MAGI2: variants seen among roughly 807,000 people sequenced by gnomAD.
MAGI2 encodes membrane associated guanylate kinase, WW and PDZ domain containing 2.
Under a neutral mutation model 133.3 loss-of-function variants are expected in MAGI2, and 35 were observed. That is an observed-to-expected ratio of 0.26 (90% CI 0.20 to 0.35). The LOEUF (loss-of-function observed/expected upper bound fraction) is 0.35, where lower values mean the gene tolerates loss of function less well. MAGI2 is among the 10% of genes least tolerant of loss of function. MAGI2 has a pLI of 1.00. For synonymous variants in MAGI2, 729 were observed against 710.6 expected, an observed-to-expected ratio of 1.03 and a Z score of -0.41; for missense variants, 1,636 against 1,863.4, an observed-to-expected ratio of 0.88 and a Z score of 2.25.
At chr7:78,471,638 T>C (rs1467509067) in intron 6 of MAGI2, among the ~76,000 whole-genome samples, 1 of 151,890 alleles carries the variant, frequency 6.6e-6, no homozygotes, top group East Asian at 1.9e-4. Context: ...TTAATAATAG[T>C]AGGAGGGGCT....
chr7:79,016,376 G>A (rs1241218418), intron 1 of MAGI2, among the ~76,000 whole-genome samples: 2 of 152,088 alleles, frequency 1.3e-5, no homozygotes, highest in African/African-American at 4.8e-5. Context: ...TGATTGCAGT[G>A]CAGCCTCAGA....
At position 78,160,242 on chromosome 7, in the gene MAGI2, T is replaced by A. The variant is rs762521795; in HGVS notation, c.2628A>T (p.Pro876=). 1 of 1,604,446 alleles carries A rather than the reference T, an allele frequency of 6.2e-7. No homozygotes were observed. The highest frequency in any genetic ancestry group is 1.7e-5 in the Admixed American group (1 of 59,290). The change falls in exon 16 of 22, where the codon CCA becomes CCT. Residue 876 remains proline, a synonymous_variant. Coordinates refer to ENST00000354212, the MANE Select transcript of MAGI2 (RefSeq NM_012301.4). The stretch of plus-strand genomic sequence containing the variant: ...AGCTGTGGTGGGTGGATACAGAGCC[T>A]GGACTTCTCCCGTTCTCTGGGCAGG... ...GEPCPENGRS[P]GSVSTHHSSP...
chr7:78,312,580 A>G (rs1205507246), intron 9 of MAGI2, among the ~76,000 whole-genome samples: 8 of 152,324 alleles, frequency 5.3e-5, no homozygotes, highest in Middle Eastern at 3.4e-3. Flanking sequence ...TTTCAAAATA[A>G]GACATACAAA....
intron 6 of MAGI2, among the ~76,000 whole-genome samples, chr7:78,412,878 A>T (rs545909259): frequency 6.6e-6 from 1 of 152,230 alleles, no homozygotes; most frequent in Non-Finnish European, 1.5e-5. Flanking sequence ...TGATTTATAA[A>T]TTTCCAATTT....
intron 16 of MAGI2, among the ~76,000 whole-genome samples, chr7:78,155,986 G>C (rs759307698): frequency 6.6e-6 from 1 of 152,164 alleles, no homozygotes; most frequent in African/African-American, 2.4e-5. Context: ...TCCATCCATA[G>C]GGAGGGAAAG....
At chr7:78,934,953 G>T (rs1463718508) in intron 2 of MAGI2, among the ~76,000 whole-genome samples, 4 of 152,090 alleles carry the variant, frequency 2.6e-5, no homozygotes, top group Non-Finnish European at 5.9e-5. Flanking sequence ...TCCTGCCAAA[G>T]TACATAGTTT....
At chr7:78,321,217 G>A (rs951632069) in intron 9 of MAGI2, among the ~76,000 whole-genome samples, 13 of 152,094 alleles carry the variant, frequency 8.5e-5, no homozygotes, top group African/African-American at 2.7e-4. Flanking sequence ...TAGATTCAAT[G>A]CCATCCCCAT....
intron 1 of MAGI2, among the ~76,000 whole-genome samples, chr7:79,390,873 G>A (rs1163431236): frequency 6.6e-6 from 1 of 152,158 alleles, no homozygotes; most frequent in Non-Finnish European, 1.5e-5. Flanking sequence ...AGCAGAAAGA[G>A]CCTACAGTAC....
chr7:78,914,503 C>A (rs1214796973), intron 2 of MAGI2, among the ~76,000 whole-genome samples: 1 of 152,058 alleles, frequency 6.6e-6, no homozygotes, highest in Non-Finnish European at 1.5e-5. Context: ...ATAATTTGAT[C>A]TGTCTTTTGT....
intron 2 of MAGI2, among the ~76,000 whole-genome samples, chr7:78,844,561 A>G (rs1792429955): frequency 6.6e-6 from 1 of 151,948 alleles, no homozygotes; most frequent in South Asian, 2.1e-4. Context: ...ACCATATTGC[A>G]TGATTTCATT....
chr7:78,419,164 T>C (rs2151396452), intron 6 of MAGI2, among the ~76,000 whole-genome samples: 1 of 152,304 alleles, frequency 6.6e-6, no homozygotes, highest in Admixed American at 6.5e-5. Flanking sequence ...CCTCATCTAA[T>C]TCTTAAAAGA....
intron 1 of MAGI2, among the ~76,000 whole-genome samples, chr7:79,213,995 G>A (rs1201874126): frequency 1.3e-5 from 2 of 151,900 alleles, no homozygotes; most frequent in African/African-American, 4.8e-5. Flanking sequence ...ATGATAAGAG[G>A]AAACATGGGA....
chr7:78,640,833 C>T (rs939349348), intron 2 of MAGI2, among the ~76,000 whole-genome samples: 1 of 152,196 alleles, frequency 6.6e-6, no homozygotes. Flanking sequence ...GGCTATGGGG[C>T]ATTAGTGAAT....
chr7:78,970,948 G>A (rs1167939228), intron 2 of MAGI2, among the ~76,000 whole-genome samples: 1 of 152,020 alleles, frequency 6.6e-6, no homozygotes, highest in Non-Finnish European at 1.5e-5. Flanking sequence ...ACTTCCATCA[G>A]CGCAGGGAAG....
At chr7:78,233,643 A>C (rs1563300603) in intron 10 of MAGI2, among the ~76,000 whole-genome samples, 1 of 152,172 alleles carries the variant, frequency 6.6e-6, no homozygotes, top group African/African-American at 2.4e-5. Context: ...AAGCAGAATC[A>C]AGAAAAAGTT....
intron 1 of MAGI2, among the ~76,000 whole-genome samples, chr7:79,211,430 A>G (rs559645934): frequency 6.6e-6 from 1 of 151,192 alleles, no homozygotes; most frequent in Non-Finnish European, 1.5e-5. Context: ...GTGCACCACT[A>G]TGTCCGGCTA....
chr7:78,115,577 A>C (rs1254405073), intron 20 of MAGI2, among the ~76,000 whole-genome samples: 4 of 152,232 alleles, frequency 2.6e-5, no homozygotes, highest in Non-Finnish European at 5.9e-5. Context: ...AGCAAAAAGC[A>C]TTGACAGAGA....
chr7:79,227,647 T>C (rs2129553931), intron 1 of MAGI2, among the ~76,000 whole-genome samples: 1 of 152,360 alleles, frequency 6.6e-6, no homozygotes, highest in Admixed American at 6.5e-5. Flanking sequence ...AATTTTATTT[T>C]TAGTGAGAGT....
At chr7:79,220,225 A>G (rs1266572742) in intron 1 of MAGI2, among the ~76,000 whole-genome samples, 2 of 151,946 alleles carry the variant, frequency 1.3e-5, no homozygotes, top group African/African-American at 4.8e-5. Context: ...CAGGGGAAGC[A>G]GGGAGGTGGG....
Sources: gnomAD v4.1 joint callset for allele counts (sites outside exome capture counted in the v4.1 genomes callset) on GRCh38, gnomAD v4.1.1 for gene constraint, MANE v1.5 for transcripts, NCBI Gene and HGNC (gene_info 2026-07-23, HGNC 2026-07-21) for gene names.